NALCN: variants seen among roughly 807,000 people sequenced by gnomAD.
The protein encoded by NALCN is sodium leak channel NALCN.
Under a neutral mutation model 225.3 loss-of-function variants are expected in NALCN, and 111 were observed. The observed-to-expected ratio is 0.49, with a 90% confidence interval of 0.42 to 0.58. NALCN has a LOEUF of 0.58. Ranked by LOEUF, NALCN falls within the 20% of genes least tolerant of loss-of-function variation. NALCN has a pLI of 0.00. For missense variants in NALCN, 1,378 were observed against 2,202.4 expected, an observed-to-expected ratio of 0.63 and a Z score of 7.49; for synonymous variants, 764 against 769.0, an observed-to-expected ratio of 0.99 and a Z score of 0.11.
chr13:101,206,743 T>C (rs199877214), intron 13 of NALCN, among the ~76,000 whole-genome samples: 4 of 140,578 alleles, frequency 2.8e-5, no homozygotes, highest in African/African-American at 5.1e-5. Flanking sequence ...TATATATATA[T>C]ATACACATAT....
intron 13 of NALCN, among the ~76,000 whole-genome samples, chr13:101,205,747 C>A (rs185755031): frequency 2.6e-5 from 4 of 152,042 alleles, no homozygotes; most frequent in Non-Finnish European, 5.9e-5. Context: ...AAGTTAAATG[C>A]ATTTCATTGT....
At chr13:101,150,087 A>T (rs2037563337) in intron 15 of NALCN, among the ~76,000 whole-genome samples, 1 of 62,544 alleles carries the variant, frequency 1.6e-5, no homozygotes. Flanking sequence ...ATCTCAGTGT[A>T]AGAAATGTGG....
At chr13:101,112,195 CAAAAAA>C (rs56693949) in intron 18 of NALCN, among the ~76,000 whole-genome samples, 2 of 111,106 alleles carry the variant, frequency 1.8e-5, no homozygotes, top group Non-Finnish European at 3.9e-5. Context: ...AACCACAGTT[CAAAAAA>C]AAAAAAAAAG....
At chr13:101,175,310 G>T (rs17678348) in intron 15 of NALCN, among the ~76,000 whole-genome samples, 24,004 of 150,910 alleles carry the variant, frequency 0.16, 2,273 homozygotes, top group East Asian at 0.43. Flanking sequence ...GGCTTTAAAG[G>T]TAAGAGTAAT....
In NALCN at chr13:101,062,055, C is replaced by T. The variant is rs746016479; in HGVS notation, c.4668G>A (p.Arg1556=). Residue 1556 remains arginine, a synonymous_variant, in exon 41 of 44, where the codon AGG becomes AGA. Coordinates refer to ENST00000251127, the MANE Select transcript of NALCN (RefSeq NM_052867.4). ...KSLQLEELLA[R]EQLEYTIEEE... is the part of the protein sequence containing the mutation. ...CCTCTATGGTGTACTCCAGCTGCTC[C>T]CTCGCCAGGAGTTCCTCCAGCTGCA... The T allele has an allele frequency of 2.5e-6, 4 of 1,614,168 alleles. 1 individual carries two copies. In the South Asian group the frequency reaches 4.4e-5, roughly 18 times the overall value.
intron 36 of NALCN, among the ~76,000 whole-genome samples, chr13:101,073,974 G>A (rs895395033): frequency 6.6e-6 from 1 of 152,050 alleles, no homozygotes; most frequent in Non-Finnish European, 1.5e-5. Flanking sequence ...TGCTATAAAA[G>A]GTGGGGCAGC....
Position 101,089,790 on chromosome 13 carries a change from C to G in NALCN, c.3391-29G>C. 6.2e-7 allele frequency: 1 copy of G among 1,613,828 alleles called. No homozygotes were observed. Among genetic ancestry groups the G allele is most frequent in the Non-Finnish European group, 8.5e-7 (1 of 1,179,866 alleles). ...CATAAAGGAAAATATGGTTATTCAT[C>G]AAAACAAATGAAAGCTGCTCTTGAA... On this transcript the variant is annotated intron_variant, in intron 29 of 43. Coordinates refer to ENST00000251127, the MANE Select transcript of NALCN (RefSeq NM_052867.4). This position sits in a 1 kb window ranked among gnomAD's most constrained non-coding sequence, Gnocchi z 4.7.
chr13:101,266,176 G>A (rs953111930), intron 10 of NALCN, among the ~76,000 whole-genome samples: 4 of 152,100 alleles, frequency 2.6e-5, no homozygotes, highest in Non-Finnish European at 5.9e-5. Context: ...AGTGGACACC[G>A]TGTGCTCTGT....
At chr13:101,377,134 G>A in intron 4 of NALCN, 78 bp from the exon 5 acceptor site, 1 of 1,570,084 alleles carries the variant, frequency 6.4e-7, no homozygotes, top group Non-Finnish European at 8.7e-7. Flanking sequence ...ACAGATGTTA[G>A]CAGCATAAGT....
intron 14 of NALCN, among the ~76,000 whole-genome samples, chr13:101,179,313 CT>C (rs35464695): frequency 1.4e-4 from 22 of 151,916 alleles, no homozygotes; most frequent in African/African-American, 3.6e-4. Context: ...CAAATTGCAG[CT>C]TTTTTTTCAT....
intron 13 of NALCN, among the ~76,000 whole-genome samples, chr13:101,197,975 T>C (rs1374457816): frequency 6.6e-6 from 1 of 152,190 alleles, no homozygotes; most frequent in Non-Finnish European, 1.5e-5. Context: ...CAATGATTTT[T>C]ACCTAATGGA....
intron 17 of NALCN, 115 bp downstream of exon 17, chr13:101,142,965 T>G (rs1425578503): frequency 1.1e-5 from 14 of 1,324,446 alleles, no homozygotes; most frequent in Non-Finnish European, 1.5e-5. Context: ...GAAATCATTT[T>G]ATTTTCATTA....
chr13:101,079,056 C>G (rs1420265041), intron 34 of NALCN, among the ~76,000 whole-genome samples: 1 of 152,228 alleles, frequency 6.6e-6, no homozygotes, highest in Non-Finnish European at 1.5e-5. Context: ...GATGTGTTTG[C>G]TTCCCTTTCC....
At chr13:101,329,631 T>G (rs1171199590) in intron 7 of NALCN, among the ~76,000 whole-genome samples, 1 of 152,188 alleles carries the variant, frequency 6.6e-6, no homozygotes, top group African/African-American at 2.4e-5. Context: ...AACTAATGCT[T>G]AATTAATAAA....
At position 101,082,901 on chromosome 13, in the gene NALCN, C is replaced by T; in HGVS notation, c.3691-18G>A. 6.2e-7 allele frequency: 1 copy of T among 1,614,068 alleles called. No individual in the cohort carries two copies. The highest frequency in any genetic ancestry group is 8.5e-7 in the Non-Finnish European group (1 of 1,179,904). ...ACGTCCCACTGCAACAGAAACAGCA[C>T]ACGAGTCGTTGCCCACGTCCATCGG... On this transcript the variant is annotated intron_variant, in intron 32 of 43. Coordinates refer to ENST00000251127, the MANE Select transcript of NALCN (RefSeq NM_052867.4).
chr13:101,308,476 T>C (rs1043889278), intron 7 of NALCN, among the ~76,000 whole-genome samples: 18 of 152,200 alleles, frequency 1.2e-4, no homozygotes, highest in Non-Finnish European at 1.9e-4. Flanking sequence ...CACTTTGGGA[T>C]GACTTCATGG....
intron 17 of NALCN, among the ~76,000 whole-genome samples, chr13:101,127,451 T>C (rs2139712591): frequency 6.6e-6 from 1 of 152,180 alleles, no homozygotes; most frequent in Admixed American, 6.5e-5. Context: ...CTCCGCCCCC[T>C]GGGTTCAAGC....
intron 28 of NALCN, among the ~76,000 whole-genome samples, chr13:101,093,669 G>A (rs751674233): frequency 6.6e-6 from 1 of 152,178 alleles, no homozygotes; most frequent in South Asian, 2.1e-4. Context: ...TAGGTTGAGT[G>A]CTATAGGGCA....
At chr13:101,359,111 G>A (rs1223683978) in intron 6 of NALCN, among the ~76,000 whole-genome samples, 2 of 152,080 alleles carry the variant, frequency 1.3e-5, no homozygotes, top group East Asian at 1.9e-4. Flanking sequence ...GGGTTGACAG[G>A]TGCAGCAAAC....
Sources: allele counts gnomAD v4.1 joint callset (sites outside exome capture counted in the v4.1 genomes callset), GRCh38; gene constraint gnomAD v4.1.1; non-coding constraint Gnocchi (gnomAD v3.1); transcripts MANE v1.5; gene names NCBI Gene and HGNC (gene_info 2026-07-23, HGNC 2026-07-21).